The following GOLGA2 variants were observed in gnomAD, a reference collection of about 807,000 sequenced individuals.
GOLGA2 encodes the protein golgin subfamily A member 2.
GOLGA2 carries 49 observed loss-of-function variants against 148.8 expected under a neutral mutation model. The observed-to-expected ratio is 0.33, with a 90% CI of 0.26 to 0.42. The LOEUF is 0.42. Among genes scored for constraint, GOLGA2 ranks in the 10% least tolerant of loss-of-function variants. The pLI, the probability that GOLGA2 is intolerant of heterozygous loss-of-function variation, is 1.00. For synonymous variants in GOLGA2, 501 were observed against 511.8 expected (o/e 0.98, Z 0.28); for missense variants, 1,178 against 1,304.6 (o/e 0.90, Z 1.49).
chr9:128,275,419 G>A (rs1353693233), intron 1 of GOLGA2: 2 of 1,294,548 alleles, frequency 1.5e-6, no homozygotes. Context: ...TGGGGGAGGG[G>A]ACCGCAGGGC....
Position 128,260,881 on chromosome 9 carries a change from C to A in GOLGA2, c.1421-79G>T. 9.6e-7 allele frequency: 1 copy of A among 1,039,770 alleles called. No individual in the cohort carries two copies. Among genetic ancestry groups the A allele is most frequent in the South Asian group, 1.6e-5 (1 of 63,162 alleles). The allele number at this position is 1,039,770 out of a possible 1,614,324, so 64.4% of individuals were successfully genotyped here. On this transcript the variant is annotated intron_variant, in intron 17 of 26. Coordinates refer to ENST00000611957, the MANE Select transcript of GOLGA2 (RefSeq NM_001366244.2). This position sits in a 1 kb window ranked among gnomAD's most constrained non-coding sequence, Gnocchi z 4.8. Reference sequence around the variant, plus strand: ...CTTGGTCCATACCTCCTCTCAAGCTCCCCAAACTTGGCCTCCCTGCTGATG... The same window carrying A: ...CTTGGTCCATACCTCCTCTCAAGCTACCCAAACTTGGCCTCCCTGCTGATG...
chr9:128,275,942 G>T lies in GOLGA2; in HGVS notation c.35C>A (p.Ala12Glu). The T allele has an allele frequency of 6.3e-7, 1 of 1,594,876 alleles. No individual in the cohort carries two copies. The highest frequency in any genetic ancestry group is 8.5e-7 in the Non-Finnish European group (1 of 1,172,162). ...WPQPRLPPRP[A>E]MSEETRQSKL... ...GCTCTGTCGGGTTTCTTCCGACATC[G>T]CGGGGCGGGGAGGGAGGCGGGGTTG... is the stretch of plus-strand genomic sequence containing the variant. Residue 12 changes from alanine to glutamate, a missense_variant, in exon 1 of 27, where the codon GCG becomes GAG. Physicochemically the swap from Ala to Glu is moderately radical, Grantham distance 107. Coordinates refer to ENST00000611957, the MANE Select transcript of GOLGA2 (RefSeq NM_001366244.2).
Position 128,256,164 on chromosome 9 carries a change from G to GAT in GOLGA2, c.*901_*902dup, listed in dbSNP as rs1178018431. 4 of 152,668 alleles carry GAT rather than the reference G, an allele frequency of 2.6e-5. No homozygotes were observed. Among genetic ancestry groups the GAT allele is most frequent in the African/African-American group, 9.7e-5 (4 of 41,438 alleles). The allele number at this position is 152,668 out of a possible 1,614,324, so 9.5% of individuals were successfully genotyped here. The stretch of plus-strand genomic sequence containing the variant: ...CCTCAGCTGCCTCTCTGTGTAAGAA[G>GAT]ATGGGAGCCCCCCTGAGGGAAAAAT... On this transcript the variant is annotated 3_prime_UTR_variant, in exon 27 of 27. Transcript: ENST00000611957.
intron 13 of GOLGA2, 149 bp downstream of exon 13, chr9:128,262,885 T>G: frequency 1.3e-6 from 1 of 795,092 alleles, no homozygotes; most frequent in Non-Finnish European, 2.2e-6. Flanking sequence ...ACACCATGAG[T>G]CAGTGGCACA....
Position 128,266,970 on chromosome 9 carries a change from G to C in GOLGA2, c.642+224C>G. On this transcript the variant is annotated intron_variant, in intron 8 of 26. Transcript: ENST00000611957. This position sits in a 1 kb window ranked among gnomAD's most constrained non-coding sequence, Gnocchi z 4.2. ...CCCAGGGCGTGTGTGGCAAGGACTC[G>C]AGCAGGGGTGTCTAGAGAAGAGAGA... The C allele has an allele frequency of 3.3e-6, 2 of 607,104 alleles. No homozygotes were observed. Among genetic ancestry groups the C allele is most frequent in the Non-Finnish European group, 3.0e-6 (1 of 337,482 alleles). 37.6% of individuals were successfully genotyped at this position (607,104 alleles called of 1,614,324 possible).
chr9:128,275,776 C>T (rs1374992918), intron 1 of GOLGA2, 117 bp downstream of exon 1: 3 of 618,542 alleles, frequency 4.9e-6, no homozygotes, highest in Non-Finnish European at 8.3e-6. Flanking sequence ...GGAGCCCGGA[C>T]GCGCCGTGGG....
intron 3 of GOLGA2, among the ~76,000 whole-genome samples, chr9:128,270,173 G>A (rs537325566): frequency 8.9e-6 from 1 of 112,118 alleles, no homozygotes; most frequent in Non-Finnish European, 1.8e-5. Flanking sequence ...TCACTCTGTC[G>A]CCCAGGCTGG....
rs983260231 is a variant in GOLGA2 at position 128,257,902 on chromosome 9, A to G, written c.2509-10T>C. 1 of 1,613,338 alleles carries G rather than the reference A, an allele frequency of 6.2e-7. No homozygotes were observed. Among genetic ancestry groups the G allele is most frequent in the African/African-American group, 1.3e-5 (1 of 74,878 alleles). The stretch of plus-strand genomic sequence containing the variant: ...GCTCCATAAAGCGGCTCTGGAACCA[A>G]AATAATGGAGTCATATATCGGCAGC... On this transcript the variant is annotated splice_polypyrimidine_tract_variant and intron_variant, in intron 23 of 26. Coordinates refer to ENST00000611957, the MANE Select transcript of GOLGA2 (RefSeq NM_001366244.2). The surrounding 1 kb of genome is among the most constrained non-coding windows in gnomAD (Gnocchi z 8.0).
At position 128,267,945 on chromosome 9, in the gene GOLGA2, G is replaced by A; in HGVS notation, c.490C>T (p.Leu164Phe). The A allele has an allele frequency of 6.2e-7, 1 of 1,612,220 alleles. No individual in the cohort carries two copies. Among genetic ancestry groups the A allele is most frequent in the Non-Finnish European group, 8.5e-7 (1 of 1,178,500 alleles). ...LRQLSQQLNG[L>F]VCESATCVNG... ...AGTTCCTGAGGTACCTCACAAACAAGACCATTGAGCTGTTGGGAGAGTTGT... is the reference window on the plus strand; with the variant it reads ...AGTTCCTGAGGTACCTCACAAACAAAACCATTGAGCTGTTGGGAGAGTTGT... The change falls in exon 6 of 27, where the codon CTT becomes TTT. Residue 164 changes from leucine to phenylalanine, a missense_variant. Physicochemically the swap from Leu to Phe is conservative, Grantham distance 22 (BLOSUM62 0). Transcript: ENST00000611957.
chr9:128,267,116 C>T, intron 8 of GOLGA2, 78 bp downstream of exon 8: 1 of 1,047,684 alleles, frequency 9.5e-7, no homozygotes, highest in Non-Finnish European at 1.5e-6. Flanking sequence ...GCCCCCTGCC[C>T]CTTTCTTCAG....
Position 128,261,299 on chromosome 9 carries a change from T to C in GOLGA2, c.1333-40A>G. 6.6e-7 allele frequency: 1 copy of C among 1,518,054 alleles called. No individual in the cohort carries two copies. 94.0% of individuals were successfully genotyped at this position (1,518,054 alleles called of 1,614,324 possible). On this transcript the variant is annotated intron_variant, in intron 16 of 26. Coordinates refer to ENST00000611957, the MANE Select transcript of GOLGA2 (RefSeq NM_001366244.2). The surrounding 1 kb of genome is among the most constrained non-coding windows in gnomAD (Gnocchi z 5.7). The stretch of plus-strand genomic sequence containing the variant: ...GCAAGAAAGGGCCCTGGAGAGGGGC[T>C]GGTGGCTGGACAGGCTACCATCTCC...
chr9:128,266,385 A>C lies in GOLGA2; in HGVS notation c.643-60T>G. ...TGGCCCCCTCAACTCTATTCCCCAG[A>C]CCAGGAACGGGTAGGCAGGGGCCAG... On this transcript the variant is annotated intron_variant, in intron 8 of 26. Coordinates refer to ENST00000611957, the MANE Select transcript of GOLGA2 (RefSeq NM_001366244.2). The surrounding 1 kb of genome is among the most constrained non-coding windows in gnomAD (Gnocchi z 4.2). 1 of 1,464,162 alleles carries C rather than the reference A, an allele frequency of 6.8e-7. No individual in the cohort carries two copies. The allele number at this position is 1,464,162 out of a possible 1,614,324, so 90.7% of individuals were successfully genotyped here. A position where few individuals can be genotyped will look rare whatever the true frequency, so the allele number is the denominator to read the frequency against.
chr9:128,272,977 TAAG>T (rs750015413), intron 2 of GOLGA2, 112 bp from the exon 3 acceptor site: 1 of 381,988 alleles, frequency 2.6e-6, no homozygotes, highest in South Asian at 2.0e-5. Context: ...GGAAATGAAA[TAAG>T]AAGAGTGGAG....
In GOLGA2 at chr9:128,268,443, G is replaced by T; in HGVS notation, c.370C>A (p.Leu124Ile). 6.2e-7 allele frequency: 1 copy of T among 1,605,830 alleles called. No individual in the cohort carries two copies. Among genetic ancestry groups the T allele is most frequent in the Non-Finnish European group, 8.5e-7 (1 of 1,172,942 alleles). The part of the protein sequence containing the change: ...PGGVPSPGAS[L>I]TSMAASQNHD... ...ACCTGAGATGCCGCCATGCTAGTGA[G>T]ACTGGCACCAGGGGAAGGGACACCG... The change falls in exon 4 of 27, where the codon CTC (leucine) becomes ATC (isoleucine). Residue 124 changes from leucine (L) to isoleucine (I), a missense_variant. Coordinates refer to ENST00000611957, the MANE Select transcript of GOLGA2 (RefSeq NM_001366244.2).
intron 12 of GOLGA2, among the ~76,000 whole-genome samples, chr9:128,264,070 CAGG>C (rs1441452769): frequency 6.7e-6 from 1 of 149,590 alleles, no homozygotes; most frequent in Non-Finnish European, 1.5e-5. Flanking sequence ...GAGGCTGAGG[CAGG>C]AGAATGGCAT....
intron 1 of GOLGA2, chr9:128,275,624 G>A (rs1305664665): frequency 2.6e-6 from 2 of 760,820 alleles, no homozygotes; most frequent in South Asian, 2.3e-5. Context: ...AGGGAGGTCG[G>A]ACTTCGGGGG....
rs985901617 is a variant in GOLGA2, at chr9:128,261,944, C to G, written c.1135-187G>C. On this transcript the variant is annotated intron_variant, in intron 14 of 26. Transcript: ENST00000611957. The surrounding 1 kb of genome is among the most constrained non-coding windows in gnomAD (Gnocchi z 5.7). ...TCAGGCCAGGCATGGTGGCTGATGC[C>G]TGTAATCTCAACACTTTGGGAGGCT... is the stretch of plus-strand genomic sequence containing the variant. 4 of 576,910 alleles carry G rather than the reference C, an allele frequency of 6.9e-6. No homozygotes were observed. The highest frequency in any genetic ancestry group is 2.9e-5 in the East Asian group (1 of 34,508). The allele number at this position is 576,910 out of a possible 1,614,324, so 35.7% of individuals were successfully genotyped here. A position where few individuals can be genotyped will look rare whatever the true frequency, so the allele number is the denominator to read the frequency against.
intron 1 of GOLGA2, among the ~76,000 whole-genome samples, 174 bp downstream of exon 1, chr9:128,275,719 G>C (rs1181491194): frequency 6.6e-6 from 1 of 152,150 alleles, no homozygotes; most frequent in Non-Finnish European, 1.5e-5. Flanking sequence ...GAGGGCGGGG[G>C]CTGGGCGGCT....
At chr9:128,274,131 T>A (rs1040247849) in intron 1 of GOLGA2, among the ~76,000 whole-genome samples, 159 bp from the exon 2 acceptor site, 1 of 152,172 alleles carries the variant, frequency 6.6e-6, no homozygotes, top group African/African-American at 2.4e-5. Flanking sequence ...CTGAGAGGGA[T>A]TGATACCATG....
Sources: gnomAD v4.1 joint callset for allele counts (sites outside exome capture counted in the v4.1 genomes callset) on GRCh38, gnomAD v4.1.1 for gene constraint, Gnocchi (gnomAD v3.1) non-coding constraint, MANE v1.5 for transcripts, NCBI Gene and HGNC (gene_info 2026-07-23, HGNC 2026-07-21) for gene names.